Variants in RIMS1 observed in about 807,000 individuals in gnomAD.
RIMS1 encodes regulating synaptic membrane exocytosis protein 1.
A neutral mutation model predicts 214.1 loss-of-function variants in RIMS1; 83 were observed. That is an observed-to-expected ratio of 0.39 (90% CI 0.32 to 0.47). The LOEUF is 0.47. RIMS1 is among the 20% of genes least tolerant of loss of function. The pLI is 0.99. For synonymous variants in RIMS1, 793 were observed against 786.8 expected (o/e 1.01, Z -0.13); for missense variants, 2,050 against 2,161.8 (o/e 0.95, Z 1.03).
intron 28 of RIMS1, among the ~76,000 whole-genome samples, chr6:72,323,352 T>C (rs1224056004): frequency 6.6e-6 from 1 of 152,028 alleles, no homozygotes; most frequent in African/African-American, 2.4e-5. Flanking sequence ...AGAGAGACTT[T>C]AAAATATCTG....
chr6:72,262,658 T>A, intron 19 of RIMS1: 1 of 871,120 alleles, frequency 1.1e-6, no homozygotes, highest in Non-Finnish European at 1.4e-6. Context: ...TTAATTTATA[T>A]CTGTATAAAA....
In RIMS1 at chr6:72,161,864, G is replaced by T. The variant is rs1241434431; in HGVS notation, c.472-17711G>T. 2.8e-5 allele frequency among the ~76,000 whole-genome samples: 4 copies of T among 141,080 alleles called. 1 individual carries two copies. The highest frequency in any genetic ancestry group is 4.8e-5 in the Non-Finnish European group (3 of 62,156). The allele number at this position is 141,080 out of a possible 152,430, so 92.6% of individuals were successfully genotyped here. On this transcript the variant is annotated intron_variant, in intron 4 of 33. Transcript: ENST00000521978. The stretch of plus-strand genomic sequence containing the variant: ...TGGTGCTGAAAAGAATGTATATTCT[G>T]TTGATTTGGGGTGGAGAGTTCTATA...
At chr6:72,156,517 G>C (rs1007416327) in intron 4 of RIMS1, among the ~76,000 whole-genome samples, 2 of 140,190 alleles carry the variant, frequency 1.4e-5, no homozygotes, top group Non-Finnish European at 3.2e-5. Flanking sequence ...CTACCTTTGA[G>C]TTATGATCAA....
At chr6:72,034,640 G>C (rs926396495) in intron 2 of RIMS1, among the ~76,000 whole-genome samples, 1 of 151,880 alleles carries the variant, frequency 6.6e-6, no homozygotes, top group Non-Finnish European at 1.5e-5. Flanking sequence ...AATATCAAGA[G>C]ACAATAGAGT....
intron 4 of RIMS1, chr6:72,148,712 GGT>G (rs1491454700): frequency 1.4e-5 from 4 of 287,382 alleles, no homozygotes; most frequent in East Asian, 1.0e-4. Context: ...CGGAGACTTG[GGT>G]TTTTTTTTTT....
At position 71,957,529 on chromosome 6, in the gene RIMS1, A is replaced by C. The variant is rs1236315202; in HGVS notation, c.165-11454A>C. On this transcript the variant is annotated intron_variant, in intron 1 of 33. Coordinates refer to ENST00000521978, the MANE Select transcript of RIMS1 (RefSeq NM_014989.7). Reference sequence around the variant, plus strand: ...ATGACTTTGACAAAAGTGGTGACAAATTTCAGTCTTAGAGTTTGAAACCCT... The same window carrying C: ...ATGACTTTGACAAAAGTGGTGACAACTTTCAGTCTTAGAGTTTGAAACCCT... Among the ~76,000 whole-genome samples the C allele has an allele frequency of 4.6e-5, 7 of 151,292 alleles. No individual in the cohort carries two copies. The East Asian group carries it at 1.3e-3, about 29-fold the overall frequency.
chr6:72,177,987 G>A (rs1345224788), intron 4 of RIMS1, among the ~76,000 whole-genome samples: 1 of 152,110 alleles, frequency 6.6e-6, no homozygotes, highest in Admixed American at 6.5e-5. Flanking sequence ...TTTGATATAG[G>A]TTTATGCAAT....
intron 2 of RIMS1, among the ~76,000 whole-genome samples, chr6:72,007,449 CA>C (rs1808229454): frequency 6.6e-6 from 1 of 152,162 alleles, no homozygotes; most frequent in Non-Finnish European, 1.5e-5. Flanking sequence ...AGCTCCTCAC[CA>C]ACAATGGAAG....
intron 27 of RIMS1, among the ~76,000 whole-genome samples, chr6:72,309,806 A>G (rs10943002): frequency 0.089 from 13,472 of 151,976 alleles, 745 homozygotes; most frequent in East Asian, 0.14. Context: ...AATAAAACAA[A>G]TGATTAGCCT....
Position 72,307,361 on chromosome 6 carries a change from A to G in RIMS1, c.3954A>G (p.Gln1318=), listed in dbSNP as rs1268400733. 1 of 1,591,354 alleles carries G rather than the reference A, an allele frequency of 6.3e-7. No homozygotes were observed. Among genetic ancestry groups the G allele is most frequent in the South Asian group, 1.1e-5 (1 of 87,056 alleles). ...SGSSQELDRE[Q]YSKYNIHKDQ... Reference sequence around the variant, plus strand: ...CTAGTCAAGAACTTGATCGCGAGCAATATTCCAAGGTAAAATTAGTAGTAT... The same window carrying G: ...CTAGTCAAGAACTTGATCGCGAGCAGTATTCCAAGGTAAAATTAGTAGTAT... Residue 1318 remains glutamine, a synonymous_variant, in exon 27 of 34, where the codon CAA becomes CAG. Transcript: ENST00000521978.
Position 72,052,182 on chromosome 6 carries a change from A to C in RIMS1, c.246-44767A>C, listed in dbSNP as rs113801323. On this transcript the variant is annotated intron_variant, in intron 2 of 33. Transcript: ENST00000521978. Reference sequence around the variant, plus strand: ...GTTGATTCTGTCTTCCAACAAGATGAGTGTGTAGTCCTCACAATATTAGAG... The same window carrying C: ...GTTGATTCTGTCTTCCAACAAGATGCGTGTGTAGTCCTCACAATATTAGAG... 9.8e-4 allele frequency among the ~76,000 whole-genome samples: 149 copies of C among 152,316 alleles called. 2 individuals carry two copies. The highest frequency in any genetic ancestry group is 3.5e-3 in the African/African-American group (145 of 41,576).
intron 2 of RIMS1, among the ~76,000 whole-genome samples, chr6:71,982,298 G>A (rs1798700415): frequency 6.6e-6 from 1 of 152,120 alleles, no homozygotes; most frequent in Non-Finnish European, 1.5e-5. Flanking sequence ...CCACATTTAT[G>A]AGAAATGTTC....
chr6:72,038,768 C>T (rs147229740), intron 2 of RIMS1, among the ~76,000 whole-genome samples: 34 of 152,192 alleles, frequency 2.2e-4, no homozygotes, highest in African/African-American at 7.9e-4. Context: ...GGATATGTCT[C>T]GCTGTTCTGC....
At chr6:72,380,877 C>G (rs2098475201) in intron 29 of RIMS1, among the ~76,000 whole-genome samples, 1 of 152,076 alleles carries the variant, frequency 6.6e-6, no homozygotes, top group African/African-American at 2.4e-5. Flanking sequence ...CAAGTCCATT[C>G]CAGTATTTGG....
intron 19 of RIMS1, 189 bp downstream of exon 19, chr6:72,260,956 C>A: frequency 1.4e-6 from 2 of 1,393,922 alleles, no homozygotes; most frequent in South Asian, 1.4e-5. Context: ...CCGATTCAGG[C>A]TGACTGCTTT....
At chr6:72,383,311 T>C (rs2098525695) in intron 29 of RIMS1, among the ~76,000 whole-genome samples, 1 of 152,184 alleles carries the variant, frequency 6.6e-6, no homozygotes, top group African/African-American at 2.4e-5. Flanking sequence ...GATGGGTTTC[T>C]TTCCTTTTCA....
chr6:72,392,996 G>T (rs945842102), intron 31 of RIMS1, among the ~76,000 whole-genome samples, 186 bp downstream of exon 31: 3 of 148,790 alleles, frequency 2.0e-5, no homozygotes, highest in Non-Finnish European at 4.5e-5. Context: ...TATGAAAAAA[G>T]AAGTAAAATT....
chr6:72,155,629 T>C (rs1388325976), intron 4 of RIMS1, among the ~76,000 whole-genome samples: 3 of 141,256 alleles, frequency 2.1e-5, no homozygotes, highest in Non-Finnish European at 3.2e-5. Flanking sequence ...AAATCATTTC[T>C]TATTTGGATG....
chr6:72,008,823 G>A (rs1194271122), intron 2 of RIMS1, among the ~76,000 whole-genome samples: 5 of 152,098 alleles, frequency 3.3e-5, no homozygotes, highest in Non-Finnish European at 7.4e-5. Context: ...GATTCATAAA[G>A]CAAGTCCTTA....
Sources: allele counts gnomAD v4.1 joint callset (sites outside exome capture counted in the v4.1 genomes callset), GRCh38; gene constraint gnomAD v4.1.1; transcripts MANE v1.5; gene names NCBI Gene and HGNC (gene_info 2026-07-23, HGNC 2026-07-21).